The following MTMR3 variants were observed in gnomAD, a reference collection of about 807,000 sequenced individuals.
MTMR3 encodes the protein phosphatidylinositol-3,5-bisphosphate 3-phosphatase MTMR3.
MTMR3 carries 32 observed loss-of-function variants against 132.4 expected under a neutral mutation model. That is an observed-to-expected ratio of 0.24 (90% CI 0.18 to 0.32). MTMR3 has a LOEUF of 0.32. Ranked by LOEUF, MTMR3 falls within the 10% of genes least tolerant of loss-of-function variation. MTMR3 has a pLI of 1.00. For missense variants in MTMR3, 1,216 were observed against 1,489.6 expected (o/e 0.82, Z 3.02); for synonymous variants, 556 against 550.3 (o/e 1.01, Z -0.14).
At chr22:29,931,060 G>A (rs2065634259) in intron 1 of MTMR3, among the ~76,000 whole-genome samples, 1 of 151,668 alleles carries the variant, frequency 6.6e-6, no homozygotes, top group African/African-American at 2.4e-5. Flanking sequence ...TTTGAGAGTG[G>A]TTGGTTTAAA....
intron 2 of MTMR3, among the ~76,000 whole-genome samples, chr22:29,965,024 T>C (rs2066387409): frequency 6.6e-6 from 1 of 152,152 alleles, no homozygotes; most frequent in Admixed American, 6.6e-5. Flanking sequence ...TATTAGAAAC[T>C]GGCCTTGCCC....
chr22:29,977,106 C>T (rs986948704), intron 3 of MTMR3, among the ~76,000 whole-genome samples: 3 of 151,978 alleles, frequency 2.0e-5, no homozygotes, highest in African/African-American at 7.3e-5. Context: ...ACCTGGACAA[C>T]ATAACGAGAC....
chr22:29,884,505 A>G (rs965802766), intron 1 of MTMR3, among the ~76,000 whole-genome samples: 42 of 143,102 alleles, frequency 2.9e-4, no homozygotes, highest in Non-Finnish European at 5.9e-4. Context: ...TCTTCCCTTT[A>G]TAGGGCCTAT....
In MTMR3 at chr22:29,941,199, A is replaced by T. The variant is rs1301094845; in HGVS notation, c.-137-15837A>T. On this transcript the variant is annotated intron_variant, in intron 1 of 19. Transcript: ENST00000401950. Reference sequence around the variant, plus strand: ...TAACTTGTTGCTTTGAGTCAACATCATGCTTTTGAGACTTATCCAGGTTGT... The same window carrying T: ...TAACTTGTTGCTTTGAGTCAACATCTTGCTTTTGAGACTTATCCAGGTTGT... Among the ~76,000 whole-genome samples the T allele has an allele frequency of 2.1e-5, 3 of 139,896 alleles. 1 individual carries two copies. The highest frequency in any genetic ancestry group is 1.0e-4 in the African/African-American group (3 of 29,906). 91.8% of individuals were successfully genotyped at this position (139,896 alleles called of 152,430 possible). A position where few individuals can be genotyped will look rare whatever the true frequency, so the allele number is the denominator to read the frequency against.
intron 1 of MTMR3, among the ~76,000 whole-genome samples, chr22:29,886,202 A>G (rs1334571552): frequency 6.6e-6 from 1 of 152,244 alleles, no homozygotes. Context: ...AATGGATTAA[A>G]GAGCCAATTT....
chr22:29,993,008 C>T (rs1283614565), intron 7 of MTMR3: 1 of 152,050 alleles, frequency 6.6e-6, no homozygotes, highest in Admixed American at 6.6e-5. Context: ...TAGTCACTGA[C>T]GACAGAACTA....
intron 1 of MTMR3, among the ~76,000 whole-genome samples, chr22:29,917,863 T>C (rs768245591): frequency 6.6e-5 from 10 of 152,264 alleles, no homozygotes; most frequent in Non-Finnish European, 1.3e-4. Flanking sequence ...GTCCATGATA[T>C]GTATGGATAA....
chr22:29,943,964 C>T (rs1316974083), intron 1 of MTMR3, among the ~76,000 whole-genome samples: 3 of 152,132 alleles, frequency 2.0e-5, no homozygotes, highest in African/African-American at 7.2e-5. Flanking sequence ...GCTGGGACTA[C>T]AGGTATGCAC....
chr22:30,019,417 T>G, intron 16 of MTMR3, 63 bp from the exon 17 acceptor site: 1 of 1,458,212 alleles, frequency 6.9e-7, no homozygotes, highest in African/African-American at 1.4e-5. Context: ...TAAAACCTAT[T>G]GTCTCCTACT....
chr22:29,946,398 G>A (rs1274437974), intron 1 of MTMR3, among the ~76,000 whole-genome samples: 1 of 152,116 alleles, frequency 6.6e-6, no homozygotes, highest in African/African-American at 2.4e-5. Context: ...CAGGGTTGAG[G>A]GTTATTTGGG....
chr22:29,975,935 G>A (rs188619159), intron 3 of MTMR3, among the ~76,000 whole-genome samples: 10 of 152,152 alleles, frequency 6.6e-5, no homozygotes, highest in African/African-American at 1.7e-4. Context: ...TAGTTGCAGT[G>A]TAGAATCTGA....
At chr22:29,907,918 C>T (rs1040409799) in intron 1 of MTMR3, among the ~76,000 whole-genome samples, 1 of 152,170 alleles carries the variant, frequency 6.6e-6, no homozygotes, top group Non-Finnish European at 1.5e-5. Context: ...CAGCAGCTGA[C>T]TCACCAAGGA....
intron 2 of MTMR3, 58 bp from the exon 3 acceptor site, chr22:29,970,918 A>T (rs1602595099): frequency 2.6e-6 from 2 of 754,936 alleles, no homozygotes; most frequent in Admixed American, 3.1e-5. Context: ...ACTATTGCCA[A>T]TTTTGCCTCC....
chr22:29,974,801 T>C (rs368112446), intron 3 of MTMR3, among the ~76,000 whole-genome samples: 1 of 152,236 alleles, frequency 6.6e-6, no homozygotes, highest in African/African-American at 2.4e-5. Flanking sequence ...CTAGGCCTTA[T>C]GAGTTTATGT....
In MTMR3 at chr22:29,934,626, C is replaced by T. The variant is rs547033723; in HGVS notation, c.-137-22410C>T. Among the ~76,000 whole-genome samples the T allele has an allele frequency of 4.2e-3, 642 of 152,226 alleles. 2 individuals carry two copies. Among genetic ancestry groups the T allele is most frequent in the Non-Finnish European group, 6.5e-3 (444 of 68,006 alleles). On this transcript the variant is annotated intron_variant, in intron 1 of 19. Transcript: ENST00000401950. ...AATATTTGGAGACTTTGAAAAGATTCTATTTTAGGGGAAAACTAGGGCATG... is the reference window on the plus strand; with the variant it reads ...AATATTTGGAGACTTTGAAAAGATTTTATTTTAGGGGAAAACTAGGGCATG...
At chr22:29,980,067 C>T (rs752909339) in intron 5 of MTMR3, 1 of 152,188 alleles carries the variant, frequency 6.6e-6, no homozygotes, top group African/African-American at 2.4e-5. Flanking sequence ...CTACACTCCA[C>T]TTCCAGCACA....
At chr22:29,980,508 C>T (rs1174640146) in intron 5 of MTMR3, 1 of 152,226 alleles carries the variant, frequency 6.6e-6, no homozygotes, top group African/African-American at 2.4e-5. Context: ...TATAAAATCC[C>T]AGCAACTGAG....
chr22:29,987,962 A>G (rs1212535563), intron 5 of MTMR3: 1 of 152,454 alleles, frequency 6.6e-6, no homozygotes, highest in Admixed American at 6.5e-5. Context: ...TGTGCAATCC[A>G]CAGTCAGCTT....
At chr22:29,979,692 T>C (rs1259654673) in intron 5 of MTMR3, 2 of 152,508 alleles carry the variant, frequency 1.3e-5, no homozygotes, top group African/African-American at 4.8e-5. Flanking sequence ...CAATCTTTAG[T>C]AGTTACCAAC....
Sources: allele counts gnomAD v4.1 joint callset (sites outside exome capture counted in the v4.1 genomes callset), GRCh38; gene constraint gnomAD v4.1.1; transcripts MANE v1.5; gene names NCBI Gene and HGNC (gene_info 2026-07-23, HGNC 2026-07-21).